MTUS1: variants seen among roughly 807,000 people sequenced by gnomAD.
MTUS1 encodes the protein microtubule associated scaffold protein 1.
A neutral mutation model predicts 120.8 loss-of-function variants in MTUS1; 109 were observed. The ratio of observed to expected loss-of-function variants is 0.90; its 90% CI spans 0.77 to 1.06. MTUS1 has a LOEUF of 1.06. Among genes scored for constraint, MTUS1 ranks in the 50% least tolerant of loss-of-function variants. The pLI, the probability that MTUS1 is intolerant of heterozygous loss-of-function variation, is 0.00. For synonymous variants in MTUS1, 737 were observed against 550.5 expected (o/e 1.34, Z -4.74); for missense variants, 2,210 against 1,486.3 (o/e 1.49, Z -8.01).
Position 17,655,927 on chromosome 8 carries a change from T to C in MTUS1, c.3044A>G (p.Tyr1015Cys), listed in dbSNP as rs1371192450. ...AATGTAAGTGTCCCGAAGCTTTTCA[T>C]ACTCCCTGGTGTAAAACTCTTTAAG... Reference protein sequence around the residue: ...NRLKEFYTREYEKLRDTYIEE... With the variant: ...NRLKEFYTRECEKLRDTYIEE... Residue 1015 changes from tyrosine to cysteine, a missense_variant, in exon 9 of 15, where the codon TAT becomes TGT. Physicochemically the swap from Tyr to Cys is radical, Grantham distance 194 (BLOSUM62 -2). Transcript: ENST00000693296. 1.2e-6 allele frequency: 2 copies of C among 1,614,098 alleles called. No individual in the cohort carries two copies. Among genetic ancestry groups the C allele is most frequent in the Non-Finnish European group, 1.7e-6 (2 of 1,180,048 alleles).
At chr8:17,785,462 C>G (rs999361006) in intron 1 of MTUS1, among the ~76,000 whole-genome samples, 4 of 152,188 alleles carry the variant, frequency 2.6e-5, no homozygotes, top group African/African-American at 9.7e-5. Context: ...TCTGCAGAGA[C>G]AGCATGGGGA....
Position 17,754,268 on chromosome 8 carries a change from C to G in MTUS1, c.1540G>C (p.Val514Leu). The change falls in exon 2 of 15, where the codon GTT (valine) becomes CTT (leucine). Residue 514 changes from valine (V) to leucine (L), a missense_variant. By Grantham distance (32) the Val-to-Leu change is conservative (BLOSUM62 1). Coordinates refer to ENST00000693296, the MANE Select transcript of MTUS1 (RefSeq NM_001363059.2). ...GGCTGCAACACTGCTCTAGACATAA[C>G]TTTTGCTTTGACATTCTTGAAGTTT... Reference protein sequence around the residue: ...RPNFKNVKAKVMSRAVLQPKD... With the variant: ...RPNFKNVKAKLMSRAVLQPKD... The G allele has an allele frequency of 6.2e-7, 1 of 1,613,894 alleles. No individual in the cohort carries two copies. The highest frequency in any genetic ancestry group is 8.5e-7 in the Non-Finnish European group (1 of 1,180,026).
chr8:17,713,775 C>T (rs1821792402), intron 5 of MTUS1, among the ~76,000 whole-genome samples: 1 of 152,138 alleles, frequency 6.6e-6, no homozygotes, highest in Admixed American at 6.5e-5. Flanking sequence ...ATCTATGATG[C>T]TTCTACTTAA....
intron 1 of MTUS1, among the ~76,000 whole-genome samples, chr8:17,766,553 T>C (rs2049508849): frequency 6.6e-6 from 1 of 152,214 alleles, no homozygotes; most frequent in Non-Finnish European, 1.5e-5. Flanking sequence ...CAGAGTTAAG[T>C]ATTTGTGAGG....
chr8:17,759,487 TACTAA>T (rs1358399068), intron 1 of MTUS1, among the ~76,000 whole-genome samples: 3 of 151,042 alleles, frequency 2.0e-5, no homozygotes, highest in Non-Finnish European at 4.4e-5. Flanking sequence ...TTATAAATAA[TACTAA>T]ACTGAAATCT....
At chr8:17,728,449 A>T (rs751789531) in intron 3 of MTUS1, among the ~76,000 whole-genome samples, 22 of 152,224 alleles carry the variant, frequency 1.4e-4, no homozygotes, top group Non-Finnish European at 2.4e-4. Flanking sequence ...GATTCACATG[A>T]AGGTGTGTCT....
intron 8 of MTUS1, among the ~76,000 whole-genome samples, chr8:17,672,258 T>C (rs1343609109): frequency 6.6e-6 from 1 of 152,242 alleles, no homozygotes; most frequent in Non-Finnish European, 1.5e-5. Context: ...CTAATACCTA[T>C]TATTTAATAG....
intron 1 of MTUS1, among the ~76,000 whole-genome samples, chr8:17,764,594 C>T (rs2049316569): frequency 6.6e-6 from 1 of 152,142 alleles, no homozygotes. Flanking sequence ...GCTGGCAAGC[C>T]ATTTCTGAAA....
intron 1 of MTUS1, among the ~76,000 whole-genome samples, chr8:17,768,908 T>C (rs2131432012): frequency 6.6e-6 from 1 of 152,320 alleles, no homozygotes; most frequent in Non-Finnish European, 1.5e-5. Context: ...TTTACACTTC[T>C]GGAGTTTTCG....
In MTUS1 at chr8:17,763,625, T is replaced by G. The variant is rs527409568; in HGVS notation, c.-154-7664A>C. On this transcript the variant is annotated intron_variant, in intron 1 of 14. Coordinates refer to ENST00000693296, the MANE Select transcript of MTUS1 (RefSeq NM_001363059.2). ...CTGCCCACCAGAGCCAGGACGACGG[T>G]GCACTGAGGGAGATACTCGCTGGAG... Among the ~76,000 whole-genome samples, 10 of 152,120 alleles carry G rather than the reference T, an allele frequency of 6.6e-5. No individual in the cohort carries two copies. The East Asian group carries it at 1.7e-3, about 27-fold the overall frequency.
At chr8:17,798,196 C>G (rs1215802559) in intron 1 of MTUS1, among the ~76,000 whole-genome samples, 1 of 152,164 alleles carries the variant, frequency 6.6e-6, no homozygotes, top group Non-Finnish European at 1.5e-5. Context: ...GCTCTGATTT[C>G]AAAGGATGTT....
chr8:17,651,278 A>T (rs1488597364), intron 12 of MTUS1, among the ~76,000 whole-genome samples: 2 of 152,164 alleles, frequency 1.3e-5, no homozygotes, highest in Non-Finnish European at 2.9e-5. Context: ...CTAGTGTTCA[A>T]GAACATAGTA....
rs373442914 is a variant in MTUS1, at chr8:17,656,099, C to G, written c.2906-34G>C. 1.3e-5 allele frequency: 20 copies of G among 1,596,524 alleles called. No individual in the cohort carries two copies. In the Admixed American group the frequency reaches 1.8e-4, roughly 15 times the overall value. ...AGAGGAGAAAGAAGAGGGAAGAGGT[C>G]ATTTTATTTGTGAAATGTCCTATAT... is the stretch of plus-strand genomic sequence containing the variant. On this transcript the variant is annotated intron_variant, in intron 8 of 14. Coordinates refer to ENST00000693296, the MANE Select transcript of MTUS1 (RefSeq NM_001363059.2).
chr8:17,713,191 C>A (rs932181397), intron 6 of MTUS1, 23 bp downstream of exon 6: 1 of 1,569,346 alleles, frequency 6.4e-7, no homozygotes, highest in East Asian at 2.3e-5. Context: ...CTTTTTATCG[C>A]CATCCATAAA....
rs2051956878 is a variant in MTUS1, at chr8:17,793,372, A to G, written c.-155+7689T>C. On this transcript the variant is annotated intron_variant, in intron 1 of 14. Coordinates refer to ENST00000693296, the MANE Select transcript of MTUS1 (RefSeq NM_001363059.2). ...TCCCTCTGCTTGCTGAGTATGAAACAATGGATGAGGGGGTGAGGGCAAGAG... is the reference window on the plus strand; with the variant it reads ...TCCCTCTGCTTGCTGAGTATGAAACGATGGATGAGGGGGTGAGGGCAAGAG... 1.3e-5 allele frequency among the ~76,000 whole-genome samples: 2 copies of G among 152,126 alleles called. 1 individual carries two copies. Among genetic ancestry groups the G allele is most frequent in the South Asian group, 4.1e-4 (2 of 4,820 alleles).
At chr8:17,662,711 G>T (rs1276581593) in intron 8 of MTUS1, among the ~76,000 whole-genome samples, 3 of 151,922 alleles carry the variant, frequency 2.0e-5, no homozygotes, top group Non-Finnish European at 4.4e-5. Context: ...ATATGATTAG[G>T]AACACCAACA....
rs751725812 is a variant in MTUS1 at position 17,753,921 on chromosome 8, G to A, written c.1887C>T (p.Ser629=). The stretch of plus-strand genomic sequence containing the variant: ...TGATCTTCTGAAACAACGCAGAAAC[G>A]GACCCGGTCTCGCATGCTGAGTTAG... The part of the protein sequence containing the change: ...SSSNSACETG[S]VSALFQKIKG... The change falls in exon 2 of 15, where the codon TCC becomes TCT. Residue 629 remains serine, a synonymous_variant. Coordinates refer to ENST00000693296, the MANE Select transcript of MTUS1 (RefSeq NM_001363059.2). 1.9e-6 allele frequency: 3 copies of A among 1,614,000 alleles called. No homozygotes were observed. Among genetic ancestry groups the A allele is most frequent in the African/African-American group, 2.7e-5 (2 of 74,904 alleles).
intron 7 of MTUS1, chr8:17,675,985 T>TA: frequency 2.4e-6 from 1 of 409,554 alleles, no homozygotes; most frequent in Admixed American, 4.0e-5. Context: ...CACACATACT[T>TA]ACACAAATAC....
intron 6 of MTUS1, among the ~76,000 whole-genome samples, chr8:17,703,640 A>G (rs1368481981): frequency 6.6e-6 from 1 of 151,338 alleles, no homozygotes; most frequent in Non-Finnish European, 1.5e-5. Context: ...AAAAAAAAAA[A>G]AAAAGGACTG....
Sources: allele counts gnomAD v4.1 joint callset (sites outside exome capture counted in the v4.1 genomes callset), GRCh38; gene constraint gnomAD v4.1.1; transcripts MANE v1.5; gene names NCBI Gene and HGNC (gene_info 2026-07-23, HGNC 2026-07-21).